The following TTC28 variants were observed in gnomAD, a reference collection of about 807,000 sequenced individuals.
TTC28 encodes the protein tetratricopeptide repeat protein 28.
Under a neutral mutation model 198.0 loss-of-function variants are expected in TTC28, and 61 were observed. The ratio of observed to expected loss-of-function variants is 0.31; its 90% CI spans 0.25 to 0.38. The LOEUF is 0.38. Ranked by LOEUF, TTC28 falls within the 10% of genes least tolerant of loss-of-function variation. The pLI is 1.00. For synonymous variants in TTC28, 1,171 were observed against 1,297.8 expected, an observed-to-expected ratio of 0.90 and a Z score of 2.10; for missense variants, 2,678 against 3,164.0, an observed-to-expected ratio of 0.85 and a Z score of 3.69.
intron 6 of TTC28, among the ~76,000 whole-genome samples, chr22:28,133,532 T>G (rs1943113348): frequency 6.6e-6 from 1 of 152,148 alleles, no homozygotes; most frequent in Non-Finnish European, 1.5e-5. Flanking sequence ...CTTTTCCAAC[T>G]GTCTTAGCAA....
At position 27,998,868 on chromosome 22, in the gene TTC28, G is replaced by A; in HGVS notation, c.4791C>T (p.Asp1597=). 6.5e-7 allele frequency: 1 copy of A among 1,550,156 alleles called. No individual in the cohort carries two copies. Among genetic ancestry groups the A allele is most frequent in the East Asian group, 2.4e-5 (1 of 40,914 alleles). The change falls in exon 16 of 23, where the codon GAC becomes GAT. Residue 1597 remains aspartate (D), a synonymous_variant. Transcript: ENST00000397906. ...DDASDGESIS[D]CPPLQELLLT... is the part of the protein sequence containing the mutation. ...GCAGCAGCTCCTGCAGGGGCGGGCA[G>A]TCCGAGATGCTCTCCCCATCACTGG...
chr22:28,319,636 T>C (rs1474617705), intron 2 of TTC28, among the ~76,000 whole-genome samples: 2 of 152,190 alleles, frequency 1.3e-5, no homozygotes, highest in African/African-American at 4.8e-5. Context: ...AAAACTGCTC[T>C]AAAAATAAAG....
intron 5 of TTC28, among the ~76,000 whole-genome samples, chr22:28,165,444 C>G (rs1921814522): frequency 6.6e-6 from 1 of 151,604 alleles, no homozygotes; most frequent in East Asian, 1.9e-4. Flanking sequence ...TCGGGTTACC[C>G]ACAAAGGGAA....
chr22:28,568,884 C>T (rs1228038306), intron 2 of TTC28, among the ~76,000 whole-genome samples: 5 of 152,070 alleles, frequency 3.3e-5, no homozygotes, highest in Admixed American at 2.6e-4. Context: ...CGGTGACTTA[C>T]GCCTGTAATC....
At chr22:28,299,764 G>A (rs922615104) in intron 3 of TTC28, among the ~76,000 whole-genome samples, 1 of 152,192 alleles carries the variant, frequency 6.6e-6, no homozygotes, top group East Asian at 1.9e-4. Context: ...GAGTATTTAA[G>A]TGACTTATCC....
intron 12 of TTC28, among the ~76,000 whole-genome samples, chr22:28,035,407 G>A (rs1876131216): frequency 6.6e-6 from 1 of 152,204 alleles, no homozygotes; most frequent in South Asian, 2.1e-4. Context: ...TTTGCAGTTG[G>A]TAAAACTTCA....
chr22:28,389,196 T>C (rs2046670925), intron 2 of TTC28, among the ~76,000 whole-genome samples: 1 of 152,226 alleles, frequency 6.6e-6, no homozygotes, highest in South Asian at 2.1e-4. Flanking sequence ...TGAGGCCCAC[T>C]TGATCATGGT....
At chr22:28,469,608 A>C (rs1468528137) in intron 2 of TTC28, among the ~76,000 whole-genome samples, 1 of 152,220 alleles carries the variant, frequency 6.6e-6, no homozygotes, top group Non-Finnish European at 1.5e-5. Context: ...TAACTAAAAC[A>C]AAATGCCATA....
At position 28,322,281 on chromosome 22, in the gene TTC28, T is replaced by A. The variant is rs1017122011; in HGVS notation, c.382-15638A>T. On this transcript the variant is annotated intron_variant, in intron 2 of 22. Transcript: ENST00000397906. ...GACATTATTTAACCTGCATTTAATG[T>A]CTTTTCCAAATAATGAACTTACTAG... 4.6e-5 allele frequency among the ~76,000 whole-genome samples: 7 copies of A among 152,306 alleles called. No individual in the cohort carries two copies. In the East Asian group the frequency reaches 1.2e-3, roughly 25 times the overall value.
chr22:28,154,356 CT>C (rs559340098), intron 6 of TTC28, among the ~76,000 whole-genome samples: 112 of 115,468 alleles, frequency 9.7e-4, no homozygotes, highest in Non-Finnish European at 9.6e-4. Context: ...TTTTCTTTTT[CT>C]TTTTTTTTTT....
chr22:28,530,540 A>T (rs1465503859), intron 2 of TTC28, among the ~76,000 whole-genome samples: 1 of 152,182 alleles, frequency 6.6e-6, no homozygotes, highest in Non-Finnish European at 1.5e-5. Flanking sequence ...CAACATTCAA[A>T]TTCAGGAAAT....
chr22:28,432,417 T>C (rs975728948), intron 2 of TTC28, among the ~76,000 whole-genome samples: 12 of 152,210 alleles, frequency 7.9e-5, no homozygotes, highest in Admixed American at 3.3e-4. Context: ...TCATTCTTAA[T>C]TCATATGAGA....
At chr22:28,677,462 C>T (rs1191733161) in intron 1 of TTC28, among the ~76,000 whole-genome samples, 1 of 151,758 alleles carries the variant, frequency 6.6e-6, no homozygotes, top group African/African-American at 2.4e-5. Context: ...GCCTGGCCAA[C>T]ATAGGGAAAC....
chr22:28,065,903 A>C (rs1940727317), intron 12 of TTC28, among the ~76,000 whole-genome samples: 1 of 152,206 alleles, frequency 6.6e-6, no homozygotes. Flanking sequence ...TTTTCTGCCA[A>C]CACAATCAAA....
intron 6 of TTC28, among the ~76,000 whole-genome samples, chr22:28,155,551 C>T (rs1265078121): frequency 6.6e-6 from 1 of 152,110 alleles, no homozygotes; most frequent in Non-Finnish European, 1.5e-5. Flanking sequence ...TATATTGTTA[C>T]TAAGAGAGGC....
chr22:28,523,516 T>C (rs1946514880), intron 2 of TTC28, among the ~76,000 whole-genome samples: 1 of 152,182 alleles, frequency 6.6e-6, no homozygotes, highest in African/African-American at 2.4e-5. Flanking sequence ...TCTCTCAGGC[T>C]TTCAAAGGGA....
chr22:28,536,214 A>C (rs1989473), intron 2 of TTC28, among the ~76,000 whole-genome samples: 1 of 144,358 alleles, frequency 6.9e-6, no homozygotes, highest in Non-Finnish European at 1.5e-5. Flanking sequence ...AAAAAAAAAA[A>C]AAAAAACATA....
chr22:28,300,010 C>T (rs996890759), intron 3 of TTC28, among the ~76,000 whole-genome samples: 1 of 152,160 alleles, frequency 6.6e-6, no homozygotes, highest in Admixed American at 6.5e-5. Context: ...GGCAGCATAA[C>T]CATTGCAACC....
intron 5 of TTC28, among the ~76,000 whole-genome samples, chr22:28,184,900 G>A (rs535064374): frequency 6.6e-6 from 1 of 152,262 alleles, no homozygotes; most frequent in Admixed American, 6.5e-5. Flanking sequence ...GGCACAGCAT[G>A]AGACAGATGA....
Sources: allele counts gnomAD v4.1 joint callset (sites outside exome capture counted in the v4.1 genomes callset), GRCh38; gene constraint gnomAD v4.1.1; transcripts MANE v1.5; gene names NCBI Gene and HGNC (gene_info 2026-07-23, HGNC 2026-07-21).